The following ARHGAP28 variants were observed in gnomAD, a reference collection of about 807,000 sequenced individuals.
ARHGAP28 encodes the protein Rho GTPase activating protein 28, also known as rho GTPase-activating protein 28.
In ARHGAP28, 56 loss-of-function variants were observed where a neutral mutation model predicts 90.7. The ratio of observed to expected loss-of-function variants is 0.62; its 90% CI spans 0.50 to 0.77. The LOEUF (loss-of-function observed/expected upper bound fraction) is 0.77, where lower values mean the gene tolerates loss of function less well. Ranked by LOEUF, ARHGAP28 falls within the 30% of genes least tolerant of loss-of-function variation. The probability of loss-of-function intolerance (pLI) is 0.00; values close to 1 mark genes in which losing one functional copy is unlikely to be tolerated. For missense variants in ARHGAP28, 869 were observed against 900.9 expected (o/e 0.96, Z 0.45); for synonymous variants, 308 against 323.3 (o/e 0.95, Z 0.51).
intron 1 of ARHGAP28, among the ~76,000 whole-genome samples, chr18:6,809,110 C>G (rs1432470913): frequency 6.6e-6 from 1 of 152,224 alleles, no homozygotes; most frequent in Non-Finnish European, 1.5e-5. Flanking sequence ...GGAAATTCCT[C>G]TAAGTAGAAA....
chr18:6,870,886 T>C (rs146816913), intron 7 of ARHGAP28, among the ~76,000 whole-genome samples, 154 bp downstream of exon 7: 4,281 of 152,096 alleles, frequency 0.028, 68 homozygotes, highest in East Asian at 0.035. Flanking sequence ...CTGCAAGCTC[T>C]GCCTCCCGGG....
intron 1 of ARHGAP28, among the ~76,000 whole-genome samples, chr18:6,756,081 G>T (rs2056107157): frequency 6.6e-6 from 1 of 152,184 alleles, no homozygotes; most frequent in Admixed American, 6.5e-5. Flanking sequence ...ACTTGGGCAG[G>T]TTATTTAGCC....
chr18:6,822,319 C>T (rs2056632251), intron 1 of ARHGAP28, among the ~76,000 whole-genome samples: 1 of 152,034 alleles, frequency 6.6e-6, no homozygotes, highest in Admixed American at 6.6e-5. Context: ...TATCCATATA[C>T]TTTTTCTGAG....
Position 6,912,231 on chromosome 18 carries a change from GTGTT to G in ARHGAP28, c.*80_*83del. The G allele has an allele frequency of 1.3e-6, 1 of 783,126 alleles. No individual in the cohort carries two copies. Among genetic ancestry groups the G allele is most frequent in the Non-Finnish European group, 2.0e-6 (1 of 491,346 alleles). 48.5% of individuals were successfully genotyped at this position (783,126 alleles called of 1,614,324 possible). On this transcript the variant is annotated 3_prime_UTR_variant, in exon 18 of 18. Coordinates refer to ENST00000383472, the MANE Select transcript of ARHGAP28 (RefSeq NM_001366230.1). The stretch of plus-strand genomic sequence containing the variant: ...ATTTTGGTAGGGAAAAAACAACACT[GTGTT>G]TGACGTATTTGTTCCTACAGCATTC...
At chr18:6,747,671 C>T (rs1567933863) in intron 1 of ARHGAP28, among the ~76,000 whole-genome samples, 1 of 152,192 alleles carries the variant, frequency 6.6e-6, no homozygotes, top group Admixed American at 6.5e-5. Context: ...AGAGTTCATG[C>T]TTCCCCACAG....
rs141387975 is a variant in ARHGAP28 at position 6,810,013 on chromosome 18, A to G, written c.123-14749A>G. On this transcript the variant is annotated intron_variant, in intron 1 of 17. Transcript: ENST00000383472. Reference sequence around the variant, plus strand: ...TCTCTTTGCATGTGTTTCCTAATTCACCTTCACCTCTGAATTAATGGATAC... The same window carrying G: ...TCTCTTTGCATGTGTTTCCTAATTCGCCTTCACCTCTGAATTAATGGATAC... Among the ~76,000 whole-genome samples, 867 of 152,118 alleles carry G rather than the reference A, an allele frequency of 5.7e-3. 3 individuals carry two copies. The highest frequency in any genetic ancestry group is 9.1e-3 in the Non-Finnish European group (621 of 67,978).
chr18:6,873,355 G>A (rs2282522), intron 7 of ARHGAP28, 54 bp from the exon 8 acceptor site: 676,453 of 1,495,186 alleles, frequency 0.45, 159,185 homozygotes, highest in Non-Finnish European at 0.49. Context: ...TTGAGTGAAC[G>A]CATAATAATT....
At position 6,915,403 on chromosome 18, in the gene ARHGAP28, C is replaced by T. The variant is rs1448762754; in HGVS notation, c.*3249C>T. The stretch of plus-strand genomic sequence containing the variant: ...TATGTTAAAGGATTAAATAGTTTCT[C>T]TGACAGGCAGTTTTTAACTGTTTTC... On this transcript the variant is annotated 3_prime_UTR_variant, in exon 18 of 18. Coordinates refer to ENST00000383472, the MANE Select transcript of ARHGAP28 (RefSeq NM_001366230.1). The T allele has an allele frequency of 1.3e-5, 2 of 152,160 alleles. No individual in the cohort carries two copies. Among genetic ancestry groups the T allele is most frequent in the Non-Finnish European group, 1.5e-5 (1 of 68,022 alleles). 9.4% of individuals were successfully genotyped at this position (152,160 alleles called of 1,614,324 possible). A position where few individuals can be genotyped will look rare whatever the true frequency, so the allele number is the denominator to read the frequency against.
intron 1 of ARHGAP28, among the ~76,000 whole-genome samples, chr18:6,734,988 A>G (rs1038918515): frequency 6.6e-6 from 1 of 152,154 alleles, no homozygotes; most frequent in African/African-American, 2.4e-5. Flanking sequence ...CTTTGATGGT[A>G]TCATATGGCT....
rs1265373438 is a variant in ARHGAP28 at position 6,915,413 on chromosome 18, GTTT to G, written c.*3262_*3264del. On this transcript the variant is annotated 3_prime_UTR_variant, in exon 18 of 18. Coordinates refer to ENST00000383472, the MANE Select transcript of ARHGAP28 (RefSeq NM_001366230.1). ...GATTAAATAGTTTCTCTGACAGGCA[GTTT>G]TTAACTGTTTTCCACAAATAAAAAT... is the stretch of plus-strand genomic sequence containing the variant. 3 of 152,192 alleles carry G rather than the reference GTTT, an allele frequency of 2.0e-5. No homozygotes were observed. The highest frequency in any genetic ancestry group is 4.4e-5 in the Non-Finnish European group (3 of 68,026). 9.4% of individuals were successfully genotyped at this position (152,192 alleles called of 1,614,324 possible).
intron 12 of ARHGAP28, among the ~76,000 whole-genome samples, chr18:6,889,179 C>T (rs1317955256): frequency 6.6e-6 from 1 of 152,054 alleles, no homozygotes; most frequent in East Asian, 1.9e-4. Flanking sequence ...CCAAAGAGCA[C>T]TTCTTTTGGG....
At chr18:6,908,776 A>G (rs1182372474) in intron 16 of ARHGAP28, among the ~76,000 whole-genome samples, 184 bp from the exon 17 acceptor site, 2 of 152,196 alleles carry the variant, frequency 1.3e-5, no homozygotes, top group Non-Finnish European at 2.9e-5. Context: ...CCTGGGCCTC[A>G]GCTTCTTGTC....
chr18:6,797,210 AGTT>A (rs1297411600), intron 1 of ARHGAP28, among the ~76,000 whole-genome samples: 1 of 152,100 alleles, frequency 6.6e-6, no homozygotes, highest in East Asian at 1.9e-4. Context: ...TTGTTGTTGT[AGTT>A]GTTTTTAATC....
chr18:6,739,899 G>T, intron 1 of ARHGAP28, among the ~76,000 whole-genome samples: 1 of 147,546 alleles, frequency 6.8e-6, no homozygotes. Context: ...TCGTTGTCCA[G>T]GCTTGTGTGC....
chr18:6,864,214 C>T (rs2057020560), intron 5 of ARHGAP28, among the ~76,000 whole-genome samples: 2 of 152,062 alleles, frequency 1.3e-5, no homozygotes, highest in Admixed American at 6.6e-5. Context: ...TACAAGCGCA[C>T]ACCACCATGC....
intron 6 of ARHGAP28, among the ~76,000 whole-genome samples, chr18:6,868,523 G>A (rs1304485836): frequency 1.3e-5 from 2 of 152,098 alleles, no homozygotes; most frequent in Non-Finnish European, 2.9e-5. Flanking sequence ...TTTAAAGGCT[G>A]TTTCCCAAGT....
intron 1 of ARHGAP28, among the ~76,000 whole-genome samples, chr18:6,758,065 C>T (rs576506665): frequency 4.5e-4 from 69 of 152,254 alleles, no homozygotes; most frequent in African/African-American, 1.6e-3. Flanking sequence ...ATAGCTATTT[C>T]CCAAGTTTAT....
chr18:6,878,636 A>G (rs1037123338), intron 10 of ARHGAP28, among the ~76,000 whole-genome samples: 6 of 152,224 alleles, frequency 3.9e-5, no homozygotes, highest in Admixed American at 3.9e-4. Context: ...AGGCACATGC[A>G]TTCCTGAACC....
chr18:6,763,849 G>A (rs2056180596), intron 1 of ARHGAP28, among the ~76,000 whole-genome samples: 1 of 152,198 alleles, frequency 6.6e-6, no homozygotes, highest in East Asian at 1.9e-4. Context: ...AGTGAGCACA[G>A]CGCTCTGAGC....
Sources: gnomAD v4.1 joint callset for allele counts (sites outside exome capture counted in the v4.1 genomes callset) on GRCh38, gnomAD v4.1.1 for gene constraint, MANE v1.5 for transcripts, NCBI Gene and HGNC (gene_info 2026-07-23, HGNC 2026-07-21) for gene names.